Variants in CTIF observed in about 807,000 individuals in gnomAD.
CTIF encodes the protein cap binding complex dependent translation initiation factor.
Under a neutral mutation model 66.0 loss-of-function variants are expected in CTIF, and 21 were observed. The ratio of observed to expected loss-of-function variants is 0.32; its 90% CI spans 0.23 to 0.46. The LOEUF (loss-of-function observed/expected upper bound fraction) is 0.46. Ranked by LOEUF, CTIF falls within the 20% of genes least tolerant of loss-of-function variation. The probability of loss-of-function intolerance (pLI) is 1.00; values close to 1 mark genes in which losing one functional copy is unlikely to be tolerated. For synonymous variants in CTIF, 345 were observed against 326.4 expected, an observed-to-expected ratio of 1.06 and a Z score of -0.62; for missense variants, 739 against 812.7, an observed-to-expected ratio of 0.91 and a Z score of 1.10.
chr18:48,675,249 C>T (rs2091607585), intron 6 of CTIF, among the ~76,000 whole-genome samples: 1 of 152,216 alleles, frequency 6.6e-6, no homozygotes, highest in Admixed American at 6.5e-5. Flanking sequence ...GCATTTTTGG[C>T]ATCTCTATCA....
chr18:48,760,510 G>GT (rs1908877432), intron 8 of CTIF: 1 of 139,660 alleles, frequency 7.2e-6, no homozygotes, highest in South Asian at 2.2e-4. Flanking sequence ...CTTGGTCTGT[G>GT]CCTTCTAGGC....
intron 9 of CTIF, among the ~76,000 whole-genome samples, chr18:48,763,166 A>G (rs942123853): frequency 4.6e-5 from 7 of 152,186 alleles, no homozygotes; most frequent in Admixed American, 3.3e-4. Context: ...GCATCAGCCT[A>G]TGGTCTCGGC....
intron 9 of CTIF, among the ~76,000 whole-genome samples, chr18:48,773,667 G>A (rs1910386029): frequency 6.6e-6 from 1 of 152,192 alleles, no homozygotes; most frequent in Admixed American, 6.5e-5. Flanking sequence ...TTCCAGAGAG[G>A]GCCCCTAACA....
chr18:48,760,219 G>C (rs1019969983), intron 8 of CTIF: 1 of 139,078 alleles, frequency 7.2e-6, no homozygotes, highest in Non-Finnish European at 1.5e-5. Flanking sequence ...ATGGAGTCTC[G>C]CTCTGTCACC....
chr18:48,809,056 A>C (rs1351791896), intron 9 of CTIF, among the ~76,000 whole-genome samples: 1 of 152,210 alleles, frequency 6.6e-6, no homozygotes, highest in Non-Finnish European at 1.5e-5. Flanking sequence ...CGTTCTCTTA[A>C]ATCTTTCAGT....
At chr18:48,663,538 G>A (rs2091381824) in intron 3 of CTIF, among the ~76,000 whole-genome samples, 1 of 152,062 alleles carries the variant, frequency 6.6e-6, no homozygotes, top group Non-Finnish European at 1.5e-5. Context: ...GGACCCTTCT[G>A]TATACATCTA....
At chr18:48,701,894 A>C (rs1269897147) in intron 6 of CTIF, among the ~76,000 whole-genome samples, 1 of 152,214 alleles carries the variant, frequency 6.6e-6, no homozygotes, top group African/African-American at 2.4e-5. Context: ...ACTGACTCCT[A>C]AAGTTGTATC....
intron 6 of CTIF, among the ~76,000 whole-genome samples, chr18:48,684,037 C>T (rs1448897711): frequency 6.6e-6 from 1 of 152,200 alleles, no homozygotes; most frequent in East Asian, 1.9e-4. Context: ...ACTGCTGTGG[C>T]GTGGTGACAT....
intron 7 of CTIF, among the ~76,000 whole-genome samples, chr18:48,739,431 G>T (rs755106764): frequency 1.1e-4 from 16 of 152,362 alleles, no homozygotes; most frequent in Middle Eastern, 3.4e-3. Context: ...GGACTTGACG[G>T]CCCTTCACTC....
chr18:48,581,201 G>GA (rs2089648579), intron 1 of CTIF, among the ~76,000 whole-genome samples: 2 of 150,044 alleles, frequency 1.3e-5, no homozygotes, highest in South Asian at 4.2e-4. Context: ...TGAGTTTGAT[G>GA]TTTTTTTTTG....
chr18:48,710,328 T>C (rs1162778393), intron 6 of CTIF, among the ~76,000 whole-genome samples: 1 of 152,170 alleles, frequency 6.6e-6, no homozygotes. Context: ...CTCCCTGTCA[T>C]CCAGCGCATG....
chr18:48,720,132 T>C (rs76390251), intron 7 of CTIF, among the ~76,000 whole-genome samples: 1 of 152,322 alleles, frequency 6.6e-6, no homozygotes, highest in Non-Finnish European at 1.5e-5. Context: ...CCATAAATAA[T>C]GAGAAGTGAC....
At chr18:48,817,083 C>T in intron 9 of CTIF, 138 bp from the exon 10 acceptor site, 1 of 806,816 alleles carries the variant, frequency 1.2e-6, no homozygotes, top group Non-Finnish European at 1.9e-6. Context: ...AATCACGCAC[C>T]CCCATCCTCA....
chr18:48,658,739 C>T (rs187499116), intron 3 of CTIF, among the ~76,000 whole-genome samples: 18 of 152,172 alleles, frequency 1.2e-4, no homozygotes, highest in East Asian at 3.9e-4. Flanking sequence ...TATGCATATG[C>T]GGCCCTGTGG....
intron 1 of CTIF, among the ~76,000 whole-genome samples, chr18:48,556,004 T>G (rs1347663130): frequency 6.6e-6 from 1 of 152,224 alleles, no homozygotes; most frequent in East Asian, 1.9e-4. Flanking sequence ...GGCAGGACTT[T>G]CAGCTCCCCA....
At chr18:48,545,948 C>T (rs955355243) in intron 1 of CTIF, among the ~76,000 whole-genome samples, 1 of 152,106 alleles carries the variant, frequency 6.6e-6, no homozygotes, top group African/African-American at 2.4e-5. Flanking sequence ...CAGAATCCAG[C>T]GACAGCCAAG....
intron 3 of CTIF, among the ~76,000 whole-genome samples, chr18:48,652,615 C>T (rs1032489951): frequency 2.5e-4 from 38 of 152,194 alleles, no homozygotes; most frequent in African/African-American, 9.2e-4. Flanking sequence ...AGGGAATCCT[C>T]TCTAACTCAT....
intron 7 of CTIF, among the ~76,000 whole-genome samples, chr18:48,757,595 G>A (rs1017847): frequency 0.17 from 25,509 of 152,226 alleles, 2,430 homozygotes; most frequent in Non-Finnish European, 0.21. Flanking sequence ...AGGCAGGAGG[G>A]TTCACTGTTA....
At chr18:48,596,473 CTTTCTTTTTTTTTT>C (rs1452200630) in intron 1 of CTIF, among the ~76,000 whole-genome samples, 5 of 150,836 alleles carry the variant, frequency 3.3e-5, no homozygotes, top group Non-Finnish European at 5.9e-5. Context: ...TCTTTTCTTT[CTTTCTTTTTTTTTT>C]TTTCTTTTTG....
Sources: allele counts gnomAD v4.1 joint callset (sites outside exome capture counted in the v4.1 genomes callset), GRCh38; gene constraint gnomAD v4.1.1; transcripts MANE v1.5; gene names NCBI Gene and HGNC (gene_info 2026-07-23, HGNC 2026-07-21).